The following ROR1 variants were observed in gnomAD, a reference collection of about 807,000 sequenced individuals.
ROR1 encodes the protein inactive tyrosine-protein kinase transmembrane receptor ROR1.
ROR1 carries 19 observed loss-of-function variants against 78.8 expected under a neutral mutation model. The ratio of observed to expected loss-of-function variants is 0.24; its 90% CI spans 0.17 to 0.35. ROR1 has a LOEUF of 0.35. Among genes scored for constraint, ROR1 ranks in the 10% least tolerant of loss-of-function variants. The pLI is 1.00. For missense variants in ROR1, 917 were observed against 1,177.8 expected (o/e 0.78, Z 3.24); for synonymous variants, 386 against 433.6 (o/e 0.89, Z 1.36).
chr1:64,160,766 C>G (rs888086243), intron 8 of ROR1, among the ~76,000 whole-genome samples: 12 of 152,128 alleles, frequency 7.9e-5, no homozygotes, highest in Admixed American at 2.0e-4. Flanking sequence ...AGTCATTGTT[C>G]CATGAGACTC....
At chr1:64,128,555 A>ATCCCTCTTCGC (rs11267290) in intron 4 of ROR1, among the ~76,000 whole-genome samples, 1 of 151,552 alleles carries the variant, frequency 6.6e-6, no homozygotes, top group East Asian at 1.9e-4. Flanking sequence ...TTGCTAGAGG[A>ATCCCTCTTCGC]TGCCACCACA....
At chr1:64,042,302 T>C (rs986439332) in intron 2 of ROR1, among the ~76,000 whole-genome samples, 5 of 152,208 alleles carry the variant, frequency 3.3e-5, no homozygotes, top group Non-Finnish European at 5.9e-5. Flanking sequence ...ACTTTTGATA[T>C]TCCAGAGATG....
intron 1 of ROR1, among the ~76,000 whole-genome samples, chr1:63,827,899 T>A (rs1644965370): frequency 6.6e-6 from 1 of 152,190 alleles, no homozygotes; most frequent in Non-Finnish European, 1.5e-5. Context: ...AAACCAAACT[T>A]GTAAATGTTT....
chr1:64,157,683 C>A (rs898837065), intron 7 of ROR1, among the ~76,000 whole-genome samples: 1 of 152,144 alleles, frequency 6.6e-6, no homozygotes, highest in Non-Finnish European at 1.5e-5. Context: ...CCTTTTGGGT[C>A]TTTTCATCAC....
chr1:64,083,313 G>A (rs1286804178), intron 4 of ROR1, among the ~76,000 whole-genome samples: 1 of 152,114 alleles, frequency 6.6e-6, no homozygotes, highest in Non-Finnish European at 1.5e-5. Context: ...TAGGGACTGA[G>A]GTCTTGTATT....
At chr1:64,152,626 A>G (rs1410011666) in intron 7 of ROR1, among the ~76,000 whole-genome samples, 1 of 152,182 alleles carries the variant, frequency 6.6e-6, no homozygotes. Context: ...GGATTTTATA[A>G]ACAAGATCTT....
At chr1:63,969,275 C>T (rs752516490) in intron 1 of ROR1, among the ~76,000 whole-genome samples, 7 of 152,254 alleles carry the variant, frequency 4.6e-5, no homozygotes, top group African/African-American at 1.7e-4. Flanking sequence ...TATTTCACTT[C>T]GTTGCAACTC....
chr1:63,915,384 T>C (rs1191892604), intron 1 of ROR1, among the ~76,000 whole-genome samples: 1 of 152,164 alleles, frequency 6.6e-6, no homozygotes, highest in Non-Finnish European at 1.5e-5. Flanking sequence ...AAAAAGTGTT[T>C]GGAGAGCAAT....
At chr1:63,843,140 G>A (rs1219509236) in intron 1 of ROR1, 3 of 803,066 alleles carry the variant, frequency 3.7e-6, no homozygotes, top group South Asian at 2.9e-5. Context: ...TGCAACCCCC[G>A]AGGGCAGATG....
At chr1:63,924,711 T>C (rs533722146) in intron 1 of ROR1, among the ~76,000 whole-genome samples, 1 of 152,320 alleles carries the variant, frequency 6.6e-6, no homozygotes, top group Admixed American at 6.5e-5. Flanking sequence ...AGACTGGCAC[T>C]GAGTGCAAGA....
intron 2 of ROR1, among the ~76,000 whole-genome samples, chr1:64,012,804 A>G (rs1646487262): frequency 6.6e-6 from 1 of 152,196 alleles, no homozygotes; most frequent in Non-Finnish European, 1.5e-5. Flanking sequence ...ATAATATGAC[A>G]AAAAAGGCAT....
intron 4 of ROR1, among the ~76,000 whole-genome samples, chr1:64,100,891 C>T (rs904665738): frequency 1.3e-5 from 2 of 152,148 alleles, no homozygotes; most frequent in Non-Finnish European, 1.5e-5. Flanking sequence ...TGGAATAGAT[C>T]GTTCATAAGA....
intron 2 of ROR1, among the ~76,000 whole-genome samples, chr1:64,014,563 G>A (rs1159327321): frequency 6.7e-6 from 1 of 148,908 alleles, no homozygotes; most frequent in Admixed American, 6.8e-5. Context: ...AGAGGTTTCA[G>A]AGGTTCTCTA....
At chr1:63,903,989 A>G (rs1645508567) in intron 1 of ROR1, among the ~76,000 whole-genome samples, 2 of 152,148 alleles carry the variant, frequency 1.3e-5, no homozygotes, top group Non-Finnish European at 2.9e-5. Context: ...GCATTTGAGC[A>G]GAGTCTTGAG....
chr1:63,909,285 T>C (rs1467940216), intron 1 of ROR1, among the ~76,000 whole-genome samples: 4 of 152,206 alleles, frequency 2.6e-5, no homozygotes, highest in African/African-American at 2.4e-5. Flanking sequence ...ATTACATTTA[T>C]AGTATCTCTG....
chr1:64,042,994 C>T (rs984603792), intron 2 of ROR1, among the ~76,000 whole-genome samples: 1 of 152,188 alleles, frequency 6.6e-6, no homozygotes, highest in African/African-American at 2.4e-5. Context: ...ATGTGGGAGG[C>T]TAGGATTTTG....
At chr1:63,980,191 G>A (rs984260017) in intron 1 of ROR1, among the ~76,000 whole-genome samples, 3 of 151,846 alleles carry the variant, frequency 2.0e-5, no homozygotes, top group Admixed American at 2.0e-4. Context: ...TCTGTTATAT[G>A]GATGAGGTAC....
chr1:64,121,274 T>G lies in ROR1; in HGVS notation c.483-16095T>G, dbSNP rs1648533861. 2.1e-5 allele frequency among the ~76,000 whole-genome samples: 3 copies of G among 145,858 alleles called. No individual in the cohort carries two copies. The Admixed American group carries it at 2.1e-4, about 10-fold the overall frequency. On this transcript the variant is annotated intron_variant, in intron 4 of 8. Transcript: ENST00000371079. Reference sequence around the variant, plus strand: ...CCTTCCTTCCATCCTCCTGTTTCTTTATTTTGGTAAGGACCTGACCCAGAG... The same window carrying G: ...CCTTCCTTCCATCCTCCTGTTTCTTGATTTTGGTAAGGACCTGACCCAGAG...
At chr1:64,122,699 A>G (rs1222479767) in intron 4 of ROR1, among the ~76,000 whole-genome samples, 2 of 152,170 alleles carry the variant, frequency 1.3e-5, no homozygotes, top group African/African-American at 4.8e-5. Context: ...GAGGACACAG[A>G]GCTGTCCTTC....
Sources: allele counts gnomAD v4.1 joint callset (sites outside exome capture counted in the v4.1 genomes callset), GRCh38; gene constraint gnomAD v4.1.1; transcripts MANE v1.5; gene names NCBI Gene and HGNC (gene_info 2026-07-23, HGNC 2026-07-21).